TUT4: variants seen among roughly 807,000 people sequenced by gnomAD.
TUT4 encodes terminal uridylyl transferase 4.
Under a neutral mutation model 192.2 loss-of-function variants are expected in TUT4, and 36 were observed. The ratio of observed to expected loss-of-function variants is 0.19; its 90% CI spans 0.14 to 0.25. The LOEUF is 0.25. TUT4 is among the 10% of genes least tolerant of loss of function. The pLI, the probability that TUT4 is intolerant of heterozygous loss-of-function variation, is 1.00. For synonymous variants in TUT4, 618 were observed against 666.0 expected (o/e 0.93, Z 1.11); for missense variants, 1,493 against 1,957.2 (o/e 0.76, Z 4.47).
chr1:52,529,408 C>A (rs983965185), intron 1 of TUT4, among the ~76,000 whole-genome samples: 1 of 152,152 alleles, frequency 6.6e-6, no homozygotes, highest in African/African-American at 2.4e-5. Flanking sequence ...AAACATATGA[C>A]TATTTCTAAA....
chr1:52,550,343 C>T (rs1240793446), intron 1 of TUT4, among the ~76,000 whole-genome samples: 5 of 152,022 alleles, frequency 3.3e-5, no homozygotes, highest in South Asian at 2.1e-4. Flanking sequence ...TTTTTTAGAA[C>T]GTATTTCTAT....
At chr1:52,465,324 C>T (rs1663795281) in intron 15 of TUT4, 151 bp from the exon 16 acceptor site, 3 of 609,474 alleles carry the variant, frequency 4.9e-6, no homozygotes, top group Non-Finnish European at 8.2e-6. Context: ...AATTCCAAAA[C>T]ATCTTGAGCC....
intron 1 of TUT4, among the ~76,000 whole-genome samples, chr1:52,551,911 T>A (rs1689548227): frequency 6.6e-6 from 1 of 152,134 alleles, no homozygotes; most frequent in South Asian, 2.1e-4. Flanking sequence ...GAAAAAATCT[T>A]TGGAAATAAA....
At position 52,423,962 on chromosome 1, in the gene TUT4, G is replaced by C. The variant is rs1346878721; in HGVS notation, c.4911C>G (p.His1637Gln). ...ACTCCGACACGTTTCCTCTTGGTGGGTGGGGACAACGCTCTCTACACCGAC... is the reference window on the plus strand; with the variant it reads ...ACTCCGACACGTTTCCTCTTGGTGGCTGGGGACAACGCTCTCTACACCGAC... The part of the protein sequence containing the change: ...ATRRCRERCP[H>Q]PPRGNVSE Residue 1637 changes from histidine (H) to glutamine (Q), a missense_variant, in exon 30 of 30, where the codon CAC becomes CAG. Coordinates refer to ENST00000257177, the MANE Select transcript of TUT4 (RefSeq NM_001009881.3). 1.2e-6 allele frequency: 2 copies of C among 1,613,216 alleles called. No individual in the cohort carries two copies. The highest frequency in any genetic ancestry group is 1.7e-5 in the Admixed American group (1 of 59,898).
At chr1:52,553,166 T>C (rs1372351901), upstream of TUT4, 1 of 130,858 alleles carries the variant, frequency 7.6e-6, no homozygotes. Flanking sequence ...GAGGACCCGC[T>C]GAGGGGAGGG....
intron 1 of TUT4, among the ~76,000 whole-genome samples, chr1:52,547,585 C>A (rs1688405539): frequency 6.6e-6 from 1 of 152,166 alleles, no homozygotes; most frequent in African/African-American, 2.4e-5. Flanking sequence ...ATGTTCACAG[C>A]AGCACCATTC....
chr1:52,438,285 A>G lies in TUT4; in HGVS notation c.3873T>C (p.Asn1291=), dbSNP rs1359234962. Residue 1291 remains asparagine, a synonymous_variant, in exon 25 of 30, where the codon AAT becomes AAC. Coordinates refer to ENST00000257177, the MANE Select transcript of TUT4 (RefSeq NM_001009881.3). Reference sequence around the variant, plus strand: ...TTCCACACACACGGCAACATCTATCATTGGGAGCCAGTTCTCCATCTGTTA... The same window carrying G: ...TTCCACACACACGGCAACATCTATCGTTGGGAGCCAGTTCTCCATCTGTTA... ...RVLTDGELAP[N]DRCCRVCGKI... is the part of the protein sequence containing the mutation. 2.5e-6 allele frequency: 4 copies of G among 1,613,920 alleles called. No homozygotes were observed. The highest frequency in any genetic ancestry group is 3.3e-4 in the Middle Eastern group (2 of 6,056).
chr1:52,500,930 A>G (rs770834539), intron 4 of TUT4, among the ~76,000 whole-genome samples: 3 of 152,156 alleles, frequency 2.0e-5, no homozygotes, highest in Non-Finnish European at 4.4e-5. Flanking sequence ...CAAAAACAAA[A>G]AAAGAAAAGA....
chr1:52,492,899 G>A (rs1439243534), intron 7 of TUT4, among the ~76,000 whole-genome samples: 2 of 152,100 alleles, frequency 1.3e-5, no homozygotes, highest in African/African-American at 4.8e-5. Context: ...CTTTAGGTGG[G>A]AAAAAACATA....
intron 1 of TUT4, among the ~76,000 whole-genome samples, chr1:52,537,820 G>A (rs1024329677): frequency 1.3e-5 from 2 of 152,150 alleles, no homozygotes; most frequent in Non-Finnish European, 2.9e-5. Flanking sequence ...GGCTGAAGCA[G>A]GAAGATCGCT....
intron 9 of TUT4, among the ~76,000 whole-genome samples, chr1:52,483,581 G>A (rs1669039416): frequency 6.6e-6 from 1 of 152,082 alleles, no homozygotes; most frequent in African/African-American, 2.4e-5. Context: ...GAGGCAGAGT[G>A]GGTGGATGAC....
chr1:52,495,272 ATC>A (rs59915771), intron 6 of TUT4, among the ~76,000 whole-genome samples, 153 bp downstream of exon 6: 5,008 of 152,148 alleles, frequency 0.033, 198 homozygotes, highest in African/African-American at 0.097. Context: ...TTTGTCTGAA[ATC>A]TAATAGTAAT....
chr1:52,551,050 T>G (rs2149802111), intron 1 of TUT4, among the ~76,000 whole-genome samples: 1 of 152,304 alleles, frequency 6.6e-6, no homozygotes, highest in South Asian at 2.1e-4. Context: ...TCAGAGAAAT[T>G]TATAATTATA....
intron 1 of TUT4, among the ~76,000 whole-genome samples, chr1:52,539,300 T>C (rs1325755743): frequency 1.3e-5 from 2 of 152,156 alleles, no homozygotes; most frequent in African/African-American, 4.8e-5. Context: ...TAACATTCAA[T>C]GTTATGCTTC....
intron 9 of TUT4, 76 bp from the exon 10 acceptor site, chr1:52,481,999 T>C (rs1421119266): frequency 8.0e-7 from 1 of 1,245,396 alleles, no homozygotes; most frequent in African/African-American, 1.6e-5. Flanking sequence ...TGCTTTTTCC[T>C]ACCCTAATCA....
Position 52,493,627 on chromosome 1 carries a change from C to A in TUT4, c.1302G>T (p.Gly434=). The A allele has an allele frequency of 6.7e-7, 1 of 1,492,092 alleles. No individual in the cohort carries two copies. Among genetic ancestry groups the A allele is most frequent in the African/African-American group, 1.4e-5 (1 of 69,770 alleles). 92.4% of individuals were successfully genotyped at this position (1,492,092 alleles called of 1,614,324 possible). The change falls in exon 7 of 30, where the codon GGG becomes GGT. Residue 434 remains glycine, a synonymous_variant. Transcript: ENST00000257177. ...NHPDLLIKVL[G]ILKKNVLYVD... The stretch of plus-strand genomic sequence containing the variant: ...GAAACTCACCATTTTTCTTTAAAAT[C>A]CCAAGTACTTTTATCAGAAGATCTG...
At chr1:52,449,319 G>A (rs765298414) in intron 20 of TUT4, among the ~76,000 whole-genome samples, 1 of 152,044 alleles carries the variant, frequency 6.6e-6, no homozygotes. Context: ...TTTCTGTTTA[G>A]ACAGAGTCTC....
At chr1:52,518,123 T>C (rs1679206610) in intron 2 of TUT4, among the ~76,000 whole-genome samples, 2 of 152,188 alleles carry the variant, frequency 1.3e-5, no homozygotes, top group Non-Finnish European at 2.9e-5. Context: ...AAAACCTGTA[T>C]CCACACAAAT....
chr1:52,476,891 T>G (rs964723178), intron 12 of TUT4, among the ~76,000 whole-genome samples: 14 of 152,196 alleles, frequency 9.2e-5, no homozygotes, highest in African/African-American at 3.1e-4. Flanking sequence ...GTAAGTGACA[T>G]GCTGTGAAAT....
Sources: allele counts gnomAD v4.1 joint callset (sites outside exome capture counted in the v4.1 genomes callset), GRCh38; gene constraint gnomAD v4.1.1; transcripts MANE v1.5; gene names NCBI Gene and HGNC (gene_info 2026-07-23, HGNC 2026-07-21).